The following MAP4K3 variants were observed in gnomAD, a reference collection of about 807,000 sequenced individuals.
MAP4K3 encodes MAPK/ERK kinase kinase kinase 3.
Under a neutral mutation model 143.5 loss-of-function variants are expected in MAP4K3, and 94 were observed. The ratio of observed to expected loss-of-function variants is 0.65; its 90% CI spans 0.55 to 0.78. The LOEUF (loss-of-function observed/expected upper bound fraction) is 0.78. Ranked by LOEUF, MAP4K3 falls within the 30% of genes least tolerant of loss-of-function variation. The probability of loss-of-function intolerance (pLI) is 0.00; values close to 1 mark genes in which losing one functional copy is unlikely to be tolerated. For synonymous variants in MAP4K3, 416 were observed against 347.2 expected (o/e 1.20, Z -2.20); for missense variants, 1,077 against 1,068.1 (o/e 1.01, Z -0.12).
intron 15 of MAP4K3, among the ~76,000 whole-genome samples, chr2:39,305,653 C>T (rs1488510782): frequency 6.6e-6 from 1 of 152,118 alleles, no homozygotes; most frequent in Non-Finnish European, 1.5e-5. Context: ...GTCCCTAAAT[C>T]CCTCCATTGT....
intron 1 of MAP4K3, among the ~76,000 whole-genome samples, chr2:39,428,948 A>T (rs961967897): frequency 3.3e-5 from 5 of 150,810 alleles, no homozygotes; most frequent in African/African-American, 1.2e-4. Flanking sequence ...CATGCCTATA[A>T]TCCCAGCTAC....
intron 1 of MAP4K3, among the ~76,000 whole-genome samples, chr2:39,431,013 C>A (rs1199260910): frequency 2.0e-5 from 3 of 152,158 alleles, no homozygotes; most frequent in Non-Finnish European, 4.4e-5. Context: ...TAATATGGGT[C>A]AGCTACTCTT....
At chr2:39,358,703 T>C (rs1486350633) in intron 2 of MAP4K3, among the ~76,000 whole-genome samples, 2 of 152,082 alleles carry the variant, frequency 1.3e-5, no homozygotes, top group East Asian at 3.9e-4. Flanking sequence ...TAGATTTGGG[T>C]AAGAAAAAAG....
intron 3 of MAP4K3, among the ~76,000 whole-genome samples, chr2:39,343,953 G>A (rs905919610): frequency 1.3e-5 from 2 of 152,126 alleles, no homozygotes; most frequent in African/African-American, 4.8e-5. Context: ...CAAATTATAA[G>A]CTGTTGTAAT....
intron 1 of MAP4K3, among the ~76,000 whole-genome samples, chr2:39,391,356 C>G (rs1257132101): frequency 2.1e-4 from 1 of 4,670 alleles, no homozygotes; most frequent in Non-Finnish European, 4.0e-3. Context: ...AAGACTCCAT[C>G]TCAAAAAAAA....
At chr2:39,432,078 G>A (rs1184300167) in intron 1 of MAP4K3, among the ~76,000 whole-genome samples, 2 of 152,196 alleles carry the variant, frequency 1.3e-5, no homozygotes, top group African/African-American at 2.4e-5. Flanking sequence ...CACATTTTAT[G>A]TTCCTGTAAA....
At chr2:39,274,378 G>A (rs745799076) in intron 24 of MAP4K3, among the ~76,000 whole-genome samples, 4 of 151,828 alleles carry the variant, frequency 2.6e-5, no homozygotes, top group Admixed American at 1.3e-4. Context: ...CACCACGCCC[G>A]GCTAATTTTT....
intron 1 of MAP4K3, among the ~76,000 whole-genome samples, chr2:39,407,195 C>G (rs6761146): frequency 0.015 from 2,346 of 151,818 alleles, 62 homozygotes; most frequent in African/African-American, 0.054. Flanking sequence ...ACTCAGCAAA[C>G]AGGAAATAAA....
intron 1 of MAP4K3, among the ~76,000 whole-genome samples, chr2:39,389,898 T>C (rs898468437): frequency 3.3e-5 from 5 of 152,160 alleles, no homozygotes; most frequent in African/African-American, 1.2e-4. Context: ...GTCTATGCAA[T>C]TTTTAAAAAA....
intron 20 of MAP4K3, 69 bp from the exon 21 acceptor site, chr2:39,287,033 T>A: frequency 1.1e-6 from 1 of 915,488 alleles, no homozygotes. Context: ...AGTTATCAAG[T>A]AGGAAAGAAA....
intron 22 of MAP4K3, among the ~76,000 whole-genome samples, chr2:39,281,442 C>T (rs998635600): frequency 1.3e-5 from 2 of 152,168 alleles, no homozygotes; most frequent in Non-Finnish European, 2.9e-5. Context: ...CCAATAGAAA[C>T]ATGTCTTTAG....
chr2:39,275,934 G>A (rs1031929425), intron 24 of MAP4K3, among the ~76,000 whole-genome samples: 20 of 151,992 alleles, frequency 1.3e-4, no homozygotes, highest in Non-Finnish European at 2.4e-4. Flanking sequence ...GTGCAGTGGC[G>A]TGATCTCGGC....
intron 16 of MAP4K3, among the ~76,000 whole-genome samples, chr2:39,296,211 G>A (rs1003287673): frequency 3.6e-4 from 55 of 152,062 alleles, no homozygotes; most frequent in Non-Finnish European, 6.2e-4. Flanking sequence ...GAATTAATAC[G>A]GTCTTAATGA....
chr2:39,303,969 T>C (rs1193210878), intron 15 of MAP4K3, among the ~76,000 whole-genome samples: 1 of 152,226 alleles, frequency 6.6e-6, no homozygotes, highest in East Asian at 1.9e-4. Flanking sequence ...TATAATCTTT[T>C]AATCTGCAGA....
intron 21 of MAP4K3, among the ~76,000 whole-genome samples, chr2:39,286,146 G>A (rs1681767331): frequency 6.6e-6 from 1 of 152,212 alleles, no homozygotes; most frequent in Non-Finnish European, 1.5e-5. Context: ...TTGAAGGGGA[G>A]GGATGTTTTG....
chr2:39,379,957 T>C (rs1271075901), intron 1 of MAP4K3: 2 of 154,682 alleles, frequency 1.3e-5, no homozygotes, highest in African/African-American at 2.4e-5. Flanking sequence ...AACACCAGCA[T>C]ATATTTAACA....
chr2:39,282,633 T>G, intron 21 of MAP4K3, 79 bp from the exon 22 acceptor site: 1 of 950,722 alleles, frequency 1.1e-6, no homozygotes, highest in Non-Finnish European at 1.7e-6. Flanking sequence ...AACACATTTA[T>G]TCAAATAAAA....
intron 1 of MAP4K3, among the ~76,000 whole-genome samples, chr2:39,417,988 G>A (rs1667431139): frequency 6.6e-6 from 1 of 152,104 alleles, no homozygotes; most frequent in Admixed American, 6.6e-5. Context: ...AGATTATGAG[G>A]TCAAGAGACA....
intron 12 of MAP4K3, among the ~76,000 whole-genome samples, chr2:39,324,399 T>C (rs1259402074): frequency 1.3e-5 from 2 of 151,428 alleles, no homozygotes; most frequent in South Asian, 2.1e-4. Flanking sequence ...AGAGTAAGAC[T>C]CATCTCAAAA....
Sources: gnomAD v4.1 joint callset for allele counts (sites outside exome capture counted in the v4.1 genomes callset) on GRCh38, gnomAD v4.1.1 for gene constraint, MANE v1.5 for transcripts, NCBI Gene and HGNC (gene_info 2026-07-23, HGNC 2026-07-21) for gene names.